The following BTBD7 variants were observed in gnomAD, a reference collection of about 807,000 sequenced individuals.
BTBD7 encodes the protein BTB domain containing 7, also known as BTB/POZ domain-containing protein 7.
A neutral mutation model predicts 99.9 loss-of-function variants in BTBD7; 38 were observed. That is an observed-to-expected ratio of 0.38 (90% CI 0.29 to 0.50). The LOEUF (loss-of-function observed/expected upper bound fraction) is 0.50, where lower values mean the gene tolerates loss of function less well. Ranked by LOEUF, BTBD7 falls within the 20% of genes least tolerant of loss-of-function variation. BTBD7 has a pLI of 0.93. For missense variants in BTBD7, 1,170 were observed against 1,394.6 expected (o/e 0.84, Z 2.57); for synonymous variants, 520 against 511.4 (o/e 1.02, Z -0.23).
At chr14:93,325,459 A>G (rs1201218295) in intron 1 of BTBD7, among the ~76,000 whole-genome samples, 1 of 152,118 alleles carries the variant, frequency 6.6e-6, no homozygotes, top group African/African-American at 2.4e-5. Flanking sequence ...TCATAGTAAT[A>G]TAGAGAATAG....
intron 3 of BTBD7, among the ~76,000 whole-genome samples, chr14:93,292,939 T>C (rs577388316): frequency 1.3e-5 from 2 of 152,224 alleles, no homozygotes; most frequent in African/African-American, 2.4e-5. Context: ...CTTATTTAAA[T>C]TCATGTCTCT....
chr14:93,268,477 T>C (rs1326731766), intron 3 of BTBD7, among the ~76,000 whole-genome samples: 2 of 152,224 alleles, frequency 1.3e-5, no homozygotes, highest in African/African-American at 2.4e-5. Flanking sequence ...ATAATAATAG[T>C]AGCTAACATT....
intron 3 of BTBD7, among the ~76,000 whole-genome samples, chr14:93,268,643 A>G (rs1418653229): frequency 6.6e-6 from 1 of 152,160 alleles, no homozygotes; most frequent in East Asian, 1.9e-4. Flanking sequence ...CAGAAAGATT[A>G]AATAAGTTAC....
At chr14:93,329,138 G>T (rs2053368644) in intron 1 of BTBD7, among the ~76,000 whole-genome samples, 1 of 151,732 alleles carries the variant, frequency 6.6e-6, no homozygotes, top group African/African-American at 2.4e-5. Context: ...GTCTGATAAG[G>T]GATTGATATT....
At chr14:93,252,595 G>C (rs188789195) in intron 7 of BTBD7, among the ~76,000 whole-genome samples, 1 of 150,862 alleles carries the variant, frequency 6.6e-6, no homozygotes, top group Non-Finnish European at 1.5e-5. Flanking sequence ...GGCTGCTCTT[G>C]AACTCCTGGA....
intron 1 of BTBD7, among the ~76,000 whole-genome samples, chr14:93,308,220 G>T (rs1420959963): frequency 6.6e-6 from 1 of 150,802 alleles, no homozygotes; most frequent in African/African-American, 2.5e-5. Context: ...CTGGGAGGCG[G>T]AGCTTGCAGT....
At chr14:93,328,601 T>C (rs1023366677) in intron 1 of BTBD7, among the ~76,000 whole-genome samples, 3 of 91,172 alleles carry the variant, frequency 3.3e-5, no homozygotes, top group Non-Finnish European at 6.8e-5. Context: ...GCCAGAACTA[T>C]AAAATTCTTT....
intron 2 of BTBD7, among the ~76,000 whole-genome samples, chr14:93,295,159 A>G (rs2052909667): frequency 6.6e-6 from 1 of 152,210 alleles, no homozygotes; most frequent in African/African-American, 2.4e-5. Context: ...CTCAAGCTGG[A>G]GTGCAGTGGG....
intron 1 of BTBD7, among the ~76,000 whole-genome samples, chr14:93,324,422 A>AAAAAAAAAATAAAAAT (rs1491546188): frequency 3.9e-5 from 4 of 101,610 alleles, no homozygotes; most frequent in African/African-American, 1.3e-4. Flanking sequence ...ACCCTGTCTC[A>AAAAAAAAAATAAAAAT]AAAAAAAAAA....
chr14:93,314,038 C>T (rs1273716147), intron 1 of BTBD7, among the ~76,000 whole-genome samples: 1 of 152,126 alleles, frequency 6.6e-6, no homozygotes, highest in African/African-American at 2.4e-5. Context: ...TGAGCCACCT[C>T]ACCTGGCTGA....
At chr14:93,300,257 CTTTT>C (rs35598735) in intron 1 of BTBD7, among the ~76,000 whole-genome samples, 4 of 119,640 alleles carry the variant, frequency 3.3e-5, no homozygotes, top group South Asian at 5.1e-4. Context: ...TTTCTTTGTT[CTTTT>C]TTTTTTTTTT....
At chr14:93,315,659 G>A (rs1448677174) in intron 1 of BTBD7, among the ~76,000 whole-genome samples, 4 of 152,140 alleles carry the variant, frequency 2.6e-5, no homozygotes, top group Non-Finnish European at 5.9e-5. Context: ...ATATAATAAT[G>A]TGGGCTTTTG....
chr14:93,290,969 G>A (rs1389275223), intron 3 of BTBD7, among the ~76,000 whole-genome samples: 1 of 149,450 alleles, frequency 6.7e-6, no homozygotes, highest in Admixed American at 6.7e-5. Flanking sequence ...ACAAGTGTGG[G>A]CCACTGTGCT....
chr14:93,302,710 T>G (rs1383991443), intron 1 of BTBD7, among the ~76,000 whole-genome samples: 1 of 152,098 alleles, frequency 6.6e-6, no homozygotes, highest in Non-Finnish European at 1.5e-5. Context: ...CCCGGCGTGG[T>G]GGCATGTGAC....
intron 3 of BTBD7, among the ~76,000 whole-genome samples, chr14:93,277,532 A>C (rs1014230785): frequency 1.3e-5 from 2 of 152,138 alleles, no homozygotes; most frequent in Non-Finnish European, 2.9e-5. Context: ...CTGACCAGAA[A>C]CCCAATTCCA....
chr14:93,249,266 C>CAAAAAAAAAAAAAAAAAAAAAAAAA (rs56893984), intron 8 of BTBD7, among the ~76,000 whole-genome samples: 1 of 25,942 alleles, frequency 3.9e-5, no homozygotes, highest in East Asian at 8.2e-4. Flanking sequence ...ACCAGATAGG[C>CAAAAAAAAAAAAAAAAAAAAAAAAA]AAAAAAAAAA....
At chr14:93,293,625 G>A (rs977512193) in intron 3 of BTBD7, among the ~76,000 whole-genome samples, 1 of 152,090 alleles carries the variant, frequency 6.6e-6, no homozygotes, top group Non-Finnish European at 1.5e-5. Flanking sequence ...AGAACCTCAA[G>A]TCTCATTTAA....
chr14:93,247,638 G>A (rs35886508), intron 9 of BTBD7, among the ~76,000 whole-genome samples: 27,339 of 152,176 alleles, frequency 0.18, 2,568 homozygotes, highest in East Asian at 0.31. Context: ...GAGCCACTGC[G>A]CCCGGCCACA....
At chr14:93,282,679 T>C (rs567847964) in intron 3 of BTBD7, among the ~76,000 whole-genome samples, 25 of 152,228 alleles carry the variant, frequency 1.6e-4, no homozygotes, top group African/African-American at 5.8e-4. Flanking sequence ...AACTCTGAGT[T>C]TGAAAAGCCA....
Sources: allele counts gnomAD v4.1 joint callset (sites outside exome capture counted in the v4.1 genomes callset), GRCh38; gene constraint gnomAD v4.1.1; transcripts MANE v1.5; gene names NCBI Gene and HGNC (gene_info 2026-07-23, HGNC 2026-07-21).